The following TMC5 variants were observed in gnomAD, a reference collection of about 807,000 sequenced individuals.
TMC5 encodes the protein transmembrane channel like 5.
Under a neutral mutation model 110.5 loss-of-function variants are expected in TMC5, and 86 were observed. The ratio of observed to expected loss-of-function variants is 0.78; its 90% confidence interval spans 0.65 to 0.93. The LOEUF (loss-of-function observed/expected upper bound fraction) is 0.93, where lower values mean the gene tolerates loss of function less well. TMC5 is among the 40% of genes least tolerant of loss of function. The pLI, the probability that TMC5 is intolerant of heterozygous loss-of-function variation, is 0.00. For synonymous variants in TMC5, 455 were observed against 439.5 expected (o/e 1.04, Z -0.44); for missense variants, 1,144 against 1,222.8 (o/e 0.94, Z 0.96).
intron 1 of TMC5, among the ~76,000 whole-genome samples, chr16:19,429,117 T>A (rs1396381261): frequency 6.6e-6 from 1 of 152,144 alleles, no homozygotes. Context: ...TGAGCCACCA[T>A]GCCCGACCAG....
At chr16:19,456,964 C>T in intron 5 of TMC5, 2 of 1,614,112 alleles carry the variant, frequency 1.2e-6, no homozygotes, top group Non-Finnish European at 8.5e-7. Flanking sequence ...CCCTTCATAG[C>T]CTAGAATGCA....
intron 5 of TMC5, chr16:19,457,031 G>A (rs370527804): frequency 1.4e-5 from 22 of 1,586,770 alleles, no homozygotes; most frequent in African/African-American, 1.1e-4. Flanking sequence ...TGAAATGCTG[G>A]GGAAGAGAAG....
chr16:19,422,992 C>T (rs1967017750), intron 1 of TMC5, among the ~76,000 whole-genome samples: 1 of 152,106 alleles, frequency 6.6e-6, no homozygotes, highest in African/African-American at 2.4e-5. Flanking sequence ...GTCGTGGTGG[C>T]ATGTGCCTGT....
At chr16:19,427,809 C>T (rs1967115934) in intron 1 of TMC5, among the ~76,000 whole-genome samples, 2 of 151,788 alleles carry the variant, frequency 1.3e-5, no homozygotes, top group South Asian at 4.2e-4. Flanking sequence ...GAGGCAAAGT[C>T]GCCCCCACTT....
intron 4 of TMC5, among the ~76,000 whole-genome samples, chr16:19,446,808 G>A (rs1407562094): frequency 1.3e-5 from 2 of 152,128 alleles, no homozygotes; most frequent in Non-Finnish European, 2.9e-5. Context: ...AAAAAAAGCA[G>A]GTCAGTATAG....
chr16:19,465,558 C>G (rs958650468), intron 8 of TMC5, among the ~76,000 whole-genome samples: 5 of 151,580 alleles, frequency 3.3e-5, no homozygotes, highest in African/African-American at 1.2e-4. Flanking sequence ...TAAATAATCT[C>G]CCCAGCCCAG....
chr16:19,475,503 G>A (rs73542108), intron 12 of TMC5, among the ~76,000 whole-genome samples: 3 of 151,588 alleles, frequency 2.0e-5, no homozygotes, highest in South Asian at 2.1e-4. Context: ...GCCTTACCAC[G>A]GTCTGTGAGA....
At chr16:19,472,316 GCAGCCTACGGTT>G in intron 11 of TMC5, 73 bp downstream of exon 11, 2 of 1,548,498 alleles carry the variant, frequency 1.3e-6, no homozygotes, top group Non-Finnish European at 1.8e-6. Flanking sequence ...AGGGTGGTGT[GCAGCCTACGGTT>G]CAACCCAGGA....
intron 8 of TMC5, among the ~76,000 whole-genome samples, chr16:19,464,861 C>A (rs1968118804): frequency 6.6e-6 from 1 of 150,432 alleles, no homozygotes; most frequent in Non-Finnish European, 1.5e-5. Context: ...TCTTCCTGTA[C>A]AAACGTTGAT....
Position 19,463,998 on chromosome 16 carries a change from A to G in TMC5, c.1459A>G (p.Thr487Ala), listed in dbSNP as rs781109957. Reference sequence around the variant, plus strand: ...GGCCAAAAAGAACACCCTCCAGTTCACTGGGCTGGAGTTTTTCACTGGGGT... The same window carrying G: ...GGCCAAAAAGAACACCCTCCAGTTCGCTGGGCTGGAGTTTTTCACTGGGGT... ...TVAKKNTLQF[T>A]GLEFFTGVGY... Residue 487 changes from threonine to alanine, a missense_variant, in exon 8 of 22, where the codon ACT (threonine) becomes GCT (alanine). Physicochemically the swap from Thr to Ala is moderately conservative, Grantham distance 58. Coordinates refer to ENST00000542583, the MANE Select transcript of TMC5 (RefSeq NM_001261841.2). 6 of 1,614,154 alleles carry G rather than the reference A, an allele frequency of 3.7e-6. No homozygotes were observed. Among genetic ancestry groups the G allele is most frequent in the Non-Finnish European group, 5.1e-6 (6 of 1,180,020 alleles).
At chr16:19,445,723 G>A (rs1967599159) in intron 4 of TMC5, among the ~76,000 whole-genome samples, 1 of 152,116 alleles carries the variant, frequency 6.6e-6, no homozygotes, top group Non-Finnish European at 1.5e-5. Flanking sequence ...AGGTGCAGAT[G>A]GAGGATTGAT....
At chr16:19,467,817 C>A (rs1968228413) in intron 9 of TMC5, among the ~76,000 whole-genome samples, 2 of 152,128 alleles carry the variant, frequency 1.3e-5, no homozygotes, top group Non-Finnish European at 2.9e-5. Context: ...CCTCCAAATA[C>A]AGTCACATTC....
intron 9 of TMC5, 149 bp downstream of exon 9, chr16:19,466,382 C>T (rs769450871): frequency 4.1e-5 from 36 of 883,254 alleles, no homozygotes; most frequent in South Asian, 1.2e-4. Context: ...GATAGAGTCT[C>T]GCTCTGTCAC....
In TMC5 at chr16:19,439,981, T is replaced by A; in HGVS notation, c.-58T>A. On this transcript the variant is annotated 5_prime_UTR_variant, in exon 3 of 22. Transcript: ENST00000542583. ...TCAGGTGAAAAAAAAAAAAGATCCC[T>A]GAGTAATTGCAAATGCTGGGACAGT... 2 of 1,379,540 alleles carry A rather than the reference T, an allele frequency of 1.4e-6. No individual in the cohort carries two copies. Among genetic ancestry groups the A allele is most frequent in the Non-Finnish European group, 2.0e-6 (2 of 1,010,556 alleles). The allele number at this position is 1,379,540 out of a possible 1,614,324, so 85.5% of individuals were successfully genotyped here.
In TMC5 at chr16:19,463,325, T is replaced by G; in HGVS notation, c.1194T>G (p.Leu398=). 6.2e-7 allele frequency: 1 copy of G among 1,614,140 alleles called. No individual in the cohort carries two copies. ...AAAGCAAACAGACCCATCGTATCCT[T>G]CAGCTCAATTGCTGTATTCAGTGTC... ...KEKSKQTHRI[L]QLNCCIQCLN... The change falls in exon 7 of 22, where the codon CTT becomes CTG. Residue 398 remains leucine, a synonymous_variant. Coordinates refer to ENST00000542583, the MANE Select transcript of TMC5 (RefSeq NM_001261841.2).
At chr16:19,460,374 C>A (rs779185076) in intron 6 of TMC5, 40 bp downstream of exon 6, 9 of 1,397,652 alleles carry the variant, frequency 6.4e-6, no homozygotes, top group Non-Finnish European at 2.0e-6. Flanking sequence ...AGATTTCATG[C>A]GAACCTCAAT....
chr16:19,433,985 A>G (rs1446991353), intron 2 of TMC5, among the ~76,000 whole-genome samples: 26 of 125,886 alleles, frequency 2.1e-4, no homozygotes, highest in Non-Finnish European at 3.0e-4. Context: ...ATGCCCAGCT[A>G]ATTTATATAT....
intron 20 of TMC5, among the ~76,000 whole-genome samples, chr16:19,494,727 A>G (rs922813733): frequency 2.6e-5 from 4 of 152,076 alleles, no homozygotes; most frequent in Non-Finnish European, 4.4e-5. Flanking sequence ...GAATTGCTTG[A>G]ACCCAGGAGG....
At chr16:19,420,386 C>A (rs1045557363) in intron 1 of TMC5, among the ~76,000 whole-genome samples, 2 of 151,766 alleles carry the variant, frequency 1.3e-5, no homozygotes, top group African/African-American at 4.8e-5. Context: ...TGAGATCATG[C>A]CACTGCACTC....
Sources: allele counts gnomAD v4.1 joint callset (sites outside exome capture counted in the v4.1 genomes callset), GRCh38; gene constraint gnomAD v4.1.1; transcripts MANE v1.5; gene names NCBI Gene and HGNC (gene_info 2026-07-23, HGNC 2026-07-21).